The following SPATC1 variants were observed in gnomAD, a reference collection of about 807,000 sequenced individuals.
SPATC1 encodes speriolin.
In SPATC1, 35 loss-of-function variants were observed where a neutral mutation model predicts 36.5. That is an observed-to-expected ratio of 0.96 (90% CI 0.73 to 1.27). SPATC1 has a LOEUF of 1.27. Ranked by LOEUF, SPATC1 falls within the 50% of genes most tolerant of loss-of-function variation. SPATC1 has a pLI of 0.00. For synonymous variants in SPATC1, 361 were observed against 353.6 expected, an observed-to-expected ratio of 1.02 and a Z score of -0.24; for missense variants, 779 against 796.0, an observed-to-expected ratio of 0.98 and a Z score of 0.26.
rs572218718 is a variant in SPATC1 at position 144,037,665 on chromosome 8, A to G, written c.212-2244A>G. On this transcript the variant is annotated intron_variant, in intron 1 of 4. Transcript: ENST00000377470. Reference sequence around the variant, plus strand: ...ATCTCAAGTACCCAGGGACACAAACACTGTGGAAGGCCGCAGGGTCCTCTG... The same window carrying G: ...ATCTCAAGTACCCAGGGACACAAACGCTGTGGAAGGCCGCAGGGTCCTCTG... 9.9e-5 allele frequency among the ~76,000 whole-genome samples: 15 copies of G among 152,048 alleles called. No individual in the cohort carries two copies. The East Asian group carries it at 2.3e-3, about 23-fold the overall frequency.
intron 1 of SPATC1, among the ~76,000 whole-genome samples, chr8:144,038,258 C>T (rs965648190): frequency 6.6e-6 from 1 of 151,722 alleles, no homozygotes; most frequent in Admixed American, 6.6e-5. Flanking sequence ...CATGGTGAAA[C>T]CCCGTCTCTA....
intron 1 of SPATC1, among the ~76,000 whole-genome samples, chr8:144,028,564 C>T (rs1043560339): frequency 9.9e-5 from 15 of 152,184 alleles, no homozygotes; most frequent in African/African-American, 2.2e-4. Context: ...CAGATGCTGA[C>T]GAGGCTGTGG....
rs367899266 is a variant in SPATC1, at chr8:144,040,019, G to A, written c.322G>A (p.Ala108Thr). 1.5e-5 allele frequency: 24 copies of A among 1,613,608 alleles called. No individual in the cohort carries two copies. Among genetic ancestry groups the A allele is most frequent in the South Asian group, 7.7e-5 (7 of 91,082 alleles). The change falls in exon 2 of 5, where the codon GCC becomes ACC. Residue 108 changes from alanine (A) to threonine (T), a missense_variant. Coordinates refer to ENST00000377470, the MANE Select transcript of SPATC1 (RefSeq NM_198572.3). ...GATGCTAACCAGCTTGCAGCCCAGC[G>A]CCACACCGGGCTCACTCATGAGCCC... Reference protein sequence around the residue: ...AEMLTSLQPSATPGSLMSPLT... With the variant: ...AEMLTSLQPSTTPGSLMSPLT...
At position 144,040,766 on chromosome 8, in the gene SPATC1, T is replaced by TCCCCCCCCCC; in HGVS notation, c.969_970insCCCCCCCCCC (p.Thr324ProfsTer50). ...CAGGAACAAGTGGTCCCTGCATCTG[T>TCCCCCCCCCC]CCCCACCTCCCCCACCACCTCCCCC... is the stretch of plus-strand genomic sequence containing the variant. On this transcript the variant is annotated frameshift_variant, in exon 3 of 5. Transcript: ENST00000377470. LOFTEE classifies it high-confidence loss of function. The TCCCCCCCCCC allele has an allele frequency of 1.9e-6, 3 of 1,601,870 alleles. No homozygotes were observed. Among genetic ancestry groups the TCCCCCCCCCC allele is most frequent in the East Asian group, 2.3e-5 (1 of 44,422 alleles).
In SPATC1 at chr8:144,040,343, A is replaced by G; in HGVS notation, c.646A>G (p.Asn216Asp). 1 of 1,612,630 alleles carries G rather than the reference A, an allele frequency of 6.2e-7. No homozygotes were observed. The highest frequency in any genetic ancestry group is 8.5e-7 in the Non-Finnish European group (1 of 1,179,878). Reference sequence around the variant, plus strand: ...AGGGGTCTCTCAGAACCTGCTGGCCAACCCCATGAGCAACCTGGTCCTGCC... The same window carrying G: ...AGGGGTCTCTCAGAACCTGCTGGCCGACCCCATGAGCAACCTGGTCCTGCC... ...PPGVSQNLLANPMSNLVLPEA... is the reference protein window; with the variant it reads ...PPGVSQNLLADPMSNLVLPEA... The change falls in exon 2 of 5, where the codon AAC (asparagine) becomes GAC (aspartate). Residue 216 changes from asparagine (N) to aspartate (D), a missense_variant. Transcript: ENST00000377470.
chr8:144,024,197 C>T (rs1049160449), intron 1 of SPATC1, among the ~76,000 whole-genome samples: 2 of 150,630 alleles, frequency 1.3e-5, no homozygotes, highest in African/African-American at 4.9e-5. Context: ...CTTCAGGACT[C>T]TCTTCCCTCA....
In SPATC1 at chr8:144,046,888, G is replaced by A. The variant is rs567229953; in HGVS notation, c.1708G>A (p.Ala570Thr). The A allele has an allele frequency of 1.8e-5, 28 of 1,599,668 alleles. No homozygotes were observed. The highest frequency in any genetic ancestry group is 1.5e-4 in the Admixed American group (9 of 59,986). ...ETVHPGMLADALLLLSCLSQL... is the reference protein window; with the variant it reads ...ETVHPGMLADTLLLLSCLSQL... ...CGTGCACCCCGGCATGCTCGCCGAC[G>A]CGCTGCTGCTGCTCTCCTGCCTCAG... Residue 570 changes from alanine (A) to threonine (T), a missense_variant, in exon 5 of 5, where the codon GCG (alanine) becomes ACG (threonine). Ala to Thr is a moderately conservative substitution (Grantham distance 58, BLOSUM62 0). Coordinates refer to ENST00000377470, the MANE Select transcript of SPATC1 (RefSeq NM_198572.3). This position sits in a 1 kb window ranked among gnomAD's most constrained non-coding sequence, Gnocchi z 6.6.
chr8:144,032,721 T>C (rs1587509882), intron 1 of SPATC1, among the ~76,000 whole-genome samples: 1 of 152,282 alleles, frequency 6.6e-6, no homozygotes, highest in East Asian at 1.9e-4. Flanking sequence ...TTTTCTAAAC[T>C]GTTTTCTGCA....
intron 1 of SPATC1, among the ~76,000 whole-genome samples, chr8:144,012,946 C>G (rs1170176921): frequency 1.3e-5 from 2 of 152,088 alleles, no homozygotes; most frequent in South Asian, 4.1e-4. Flanking sequence ...GTGCTCAGAG[C>G]CCACCCACCC....
upstream of SPATC1, among the ~76,000 whole-genome samples, chr8:144,011,139 G>A (rs540812884): frequency 5.9e-5 from 9 of 152,020 alleles, no homozygotes; most frequent in African/African-American, 2.2e-4. The surrounding 1 kb of genome is among the most constrained non-coding windows in gnomAD (Gnocchi z 4.5). Context: ...TCACAAAATT[G>A]ACACATAAAA....
At chr8:144,027,609 T>C (rs2133120873) in intron 1 of SPATC1, among the ~76,000 whole-genome samples, 1 of 152,222 alleles carries the variant, frequency 6.6e-6, no homozygotes, top group East Asian at 1.9e-4. Context: ...CCATTCTGAT[T>C]TAACTTTTGT....
intron 1 of SPATC1, among the ~76,000 whole-genome samples, chr8:144,029,832 G>C (rs1368046353): frequency 3.3e-5 from 5 of 152,164 alleles, no homozygotes; most frequent in Non-Finnish European, 7.4e-5. Flanking sequence ...TTGGTTTATA[G>C]AAAGGTTTGA....
At chr8:144,023,923 T>C (rs1354946881) in intron 1 of SPATC1, among the ~76,000 whole-genome samples, 1 of 120,810 alleles carries the variant, frequency 8.3e-6, no homozygotes, top group Non-Finnish European at 1.7e-5. Context: ...GAGGACCCTG[T>C]TCCCTAAAAA....
intron 4 of SPATC1, among the ~76,000 whole-genome samples, chr8:144,042,307 ATATATT>A (rs1835131573): frequency 2.0e-5 from 1 of 49,460 alleles, no homozygotes; most frequent in Admixed American, 2.3e-4. Context: ...ATATATATAT[ATATATT>A]TTTTTTTTTT....
At chr8:144,036,674 C>T (rs1371158938) in intron 1 of SPATC1, among the ~76,000 whole-genome samples, 1 of 152,130 alleles carries the variant, frequency 6.6e-6, no homozygotes, top group Non-Finnish European at 1.5e-5. Flanking sequence ...TCTCACCACA[C>T]ATCACAGAGG....
At chr8:144,023,887 G>T (rs1834609823) in intron 1 of SPATC1, among the ~76,000 whole-genome samples, 2 of 126,946 alleles carry the variant, frequency 1.6e-5, no homozygotes, top group Admixed American at 1.6e-4. Context: ...CCCTCAGAAA[G>T]CTCTTCTCTC....
chr8:144,044,166 C>T (rs1835192542), intron 4 of SPATC1, among the ~76,000 whole-genome samples: 1 of 152,188 alleles, frequency 6.6e-6, no homozygotes, highest in East Asian at 1.9e-4. Context: ...TAAAGCAATA[C>T]ATCAATAATA....
chr8:144,038,348 G>A (rs1359819883), intron 1 of SPATC1, among the ~76,000 whole-genome samples: 8 of 148,050 alleles, frequency 5.4e-5, no homozygotes, highest in Non-Finnish European at 7.4e-5. Context: ...CAGGAGAATC[G>A]CTTGAACCCG....
chr8:144,025,626 T>C (rs1303958142), intron 1 of SPATC1, among the ~76,000 whole-genome samples: 1 of 152,148 alleles, frequency 6.6e-6, no homozygotes, highest in African/African-American at 2.4e-5. Flanking sequence ...ACAGTGGGTG[T>C]CTGTTAGCTG....
Sources: gnomAD v4.1 joint callset for allele counts (sites outside exome capture counted in the v4.1 genomes callset) on GRCh38, gnomAD v4.1.1 for gene constraint, Gnocchi (gnomAD v3.1) non-coding constraint, MANE v1.5 for transcripts, NCBI Gene and HGNC (gene_info 2026-07-23, HGNC 2026-07-21) for gene names.